Variants in MGAM2 observed in about 807,000 individuals in gnomAD.
MGAM2 encodes maltase-glucoamylase 2 (putative).
A neutral mutation model predicts 96.1 loss-of-function variants in MGAM2; 98 were observed. The observed-to-expected ratio is 1.02, with a 90% CI of 0.87 to 1.21. MGAM2 has a LOEUF of 1.21. Among genes scored for constraint, MGAM2 ranks in the 50% most tolerant of loss-of-function variants. The pLI is 0.00. For synonymous variants in MGAM2, 749 were observed against 414.8 expected (o/e 1.81, Z -9.79); for missense variants, 2,055 against 1,182.4 (o/e 1.74, Z -10.82).
At chr7:142,201,082 C>CTT (rs1314170979) in intron 45 of MGAM2, among the ~76,000 whole-genome samples, 5 of 108,538 alleles carry the variant, frequency 4.6e-5, no homozygotes, top group Admixed American at 1.2e-4. Context: ...TTTTTTTTTT[C>CTT]TTTTTTTTTT....
intron 23 of MGAM2, among the ~76,000 whole-genome samples, chr7:142,162,883 A>C (rs1466087267): frequency 6.6e-6 from 1 of 151,834 alleles, no homozygotes; most frequent in African/African-American, 2.4e-5. Flanking sequence ...CGAGATACAG[A>C]ATATTTCATT....
chr7:142,196,060 C>G, intron 37 of MGAM2, 94 bp from the exon 38 acceptor site: 1 of 698,378 alleles, frequency 1.4e-6, no homozygotes, highest in Admixed American at 2.1e-5. Context: ...TGACTCGGAC[C>G]GAAGTACCCT....
At chr7:142,199,423 C>G (rs1473831854) in intron 44 of MGAM2, among the ~76,000 whole-genome samples, 2 of 151,918 alleles carry the variant, frequency 1.3e-5, no homozygotes, top group African/African-American at 4.8e-5. Context: ...TGAAAAATGG[C>G]TTGGGTTTGG....
In MGAM2 at chr7:142,220,657, C is replaced by T. The variant is rs1333193093; in HGVS notation, c.6146C>T (p.Thr2049Ile). ...PDTTAPFPTS[T>I]TSTSTSATVP... ...ACAACTGCTCCTTTCCCTACAAGTA[C>T]TACTAGTACTAGCACTAGTGCTACT... The change falls in exon 48 of 48, where the codon ACT (threonine) becomes ATT (isoleucine). Residue 2049 changes from threonine (T) to isoleucine (I), a missense_variant. Coordinates refer to ENST00000477922, the MANE Select transcript of MGAM2 (RefSeq NM_001293626.2). 1.4e-6 allele frequency: 1 copy of T among 702,268 alleles called. No individual in the cohort carries two copies. The highest frequency in any genetic ancestry group is 1.8e-5 in the African/African-American group (1 of 57,136). The allele number at this position is 702,268 out of a possible 1,614,324, so 43.5% of individuals were successfully genotyped here.
At chr7:142,149,240 T>A (rs1251101746) in intron 15 of MGAM2, among the ~76,000 whole-genome samples, 3 of 124,950 alleles carry the variant, frequency 2.4e-5, no homozygotes, top group Admixed American at 8.3e-5. Flanking sequence ...AAAAAAAAAA[T>A]AAAAAAAGAT....
intron 23 of MGAM2, among the ~76,000 whole-genome samples, chr7:142,164,475 A>G (rs1056105050): frequency 2.6e-5 from 4 of 152,140 alleles, no homozygotes; most frequent in African/African-American, 9.7e-5. Flanking sequence ...AAATAAAAGG[A>G]AGAAAATTAC....
intron 46 of MGAM2, 78 bp downstream of exon 46, chr7:142,208,700 G>T (rs1048941008): frequency 1.3e-5 from 9 of 668,460 alleles, no homozygotes; most frequent in Non-Finnish European, 1.9e-5. Flanking sequence ...CTGCGTAAAT[G>T]TAATATCCCA....
At chr7:142,114,174 G>GAAAGAA (rs1172798002) in intron 1 of MGAM2, among the ~76,000 whole-genome samples, 1 of 115,258 alleles carries the variant, frequency 8.7e-6, no homozygotes, top group Non-Finnish European at 1.7e-5. Context: ...AAGAAAGAAA[G>GAAAGAA]AAAGAAAGAA....
chr7:142,162,909 C>T (rs1371878817), intron 23 of MGAM2, among the ~76,000 whole-genome samples: 3 of 151,958 alleles, frequency 2.0e-5, no homozygotes, highest in Non-Finnish European at 4.4e-5. Flanking sequence ...AAAGATCTTT[C>T]CTGCTGCCCT....
At chr7:142,193,681 G>T (rs147387386) in intron 37 of MGAM2, among the ~76,000 whole-genome samples, 1 of 152,212 alleles carries the variant, frequency 6.6e-6, no homozygotes, top group East Asian at 1.9e-4. Flanking sequence ...AGATATTTAT[G>T]CATTTACCTC....
At chr7:142,137,229 AC>A (rs1465339123) in intron 8 of MGAM2, among the ~76,000 whole-genome samples, 274 of 148,522 alleles carry the variant, frequency 1.8e-3, no homozygotes, top group African/African-American at 6.4e-3. Context: ...AAAAAAAAAA[AC>A]AAAACTCAAT....
intron 3 of MGAM2, among the ~76,000 whole-genome samples, chr7:142,126,383 C>G (rs533193968): frequency 1.3e-5 from 2 of 151,566 alleles, no homozygotes; most frequent in South Asian, 2.1e-4. Flanking sequence ...CAGAACTATT[C>G]TAGTTTTATA....
intron 17 of MGAM2, among the ~76,000 whole-genome samples, chr7:142,155,752 T>C (rs1283134691): frequency 6.6e-6 from 1 of 152,334 alleles, no homozygotes; most frequent in African/African-American, 2.4e-5. Flanking sequence ...AACACTCAGA[T>C]AACCCAGGAA....
In MGAM2 at chr7:142,178,396, A is replaced by G. The variant is rs560644717; in HGVS notation, c.3816+2616A>G. Reference sequence around the variant, plus strand: ...ATTGTCAATTTTTGGTTTCATTGCAATTGCTTTTGAGGACTTTGCCATGAA... The same window carrying G: ...ATTGTCAATTTTTGGTTTCATTGCAGTTGCTTTTGAGGACTTTGCCATGAA... On this transcript the variant is annotated intron_variant, in intron 32 of 47. Coordinates refer to ENST00000477922, the MANE Select transcript of MGAM2 (RefSeq NM_001293626.2). Among the ~76,000 whole-genome samples the G allele has an allele frequency of 2.6e-5, 4 of 152,202 alleles. No homozygotes were observed. The East Asian group carries it at 5.8e-4, about 22-fold the overall frequency.
In MGAM2 at chr7:142,132,033, A is replaced by G; in HGVS notation, c.523A>G (p.Thr175Ala). ...CAATTTGAGCTATTACGTGGAGGTT[A>G]CTGATAAACCTTTCAGCATCAAAAT... is the stretch of plus-strand genomic sequence containing the variant. Reference protein sequence around the residue: ...ASNLSYYVEVTDKPFSIKIMR... With the variant: ...ASNLSYYVEVADKPFSIKIMR... The change falls in exon 6 of 48, where the codon ACT becomes GCT. Residue 175 changes from threonine to alanine, a missense_variant. Thr to Ala is a moderately conservative substitution (Grantham distance 58, BLOSUM62 0). Transcript: ENST00000477922. 1.4e-6 allele frequency: 1 copy of G among 703,236 alleles called. No individual in the cohort carries two copies. The highest frequency in any genetic ancestry group is 2.6e-6 in the Non-Finnish European group (1 of 385,046). 43.6% of individuals were successfully genotyped at this position (703,236 alleles called of 1,614,324 possible). A position where few individuals can be genotyped will look rare whatever the true frequency, so the allele number is the denominator to read the frequency against.
At chr7:142,137,010 C>T (rs1795079226) in intron 8 of MGAM2, among the ~76,000 whole-genome samples, 2 of 152,178 alleles carry the variant, frequency 1.3e-5, no homozygotes, top group African/African-American at 2.4e-5. Context: ...AGCCCACCCA[C>T]ACTTTCCCCA....
At chr7:142,162,474 G>A (rs1363910091) in intron 23 of MGAM2, among the ~76,000 whole-genome samples, 1 of 151,982 alleles carries the variant, frequency 6.6e-6, no homozygotes, top group Non-Finnish European at 1.5e-5. Flanking sequence ...ATTTCCCAAG[G>A]GGACTGAGAG....
intron 2 of MGAM2, among the ~76,000 whole-genome samples, chr7:142,117,902 A>T (rs1340846338): frequency 3.3e-5 from 5 of 151,524 alleles, no homozygotes; most frequent in Admixed American, 3.3e-4. Flanking sequence ...CCACATTCTG[A>T]TTTATGCAGA....
intron 3 of MGAM2, among the ~76,000 whole-genome samples, chr7:142,129,856 A>AAAAAAAAAAAAAAAAAAAAT (rs1794835721): frequency 7.1e-6 from 1 of 140,018 alleles, no homozygotes; most frequent in African/African-American, 2.7e-5. Flanking sequence ...AAAAAAAAAA[A>AAAAAAAAAAAAAAAAAAAAT]AAAAAAAAAG....
Sources: gnomAD v4.1 joint callset for allele counts (sites outside exome capture counted in the v4.1 genomes callset) on GRCh38, gnomAD v4.1.1 for gene constraint, MANE v1.5 for transcripts, NCBI Gene and HGNC (gene_info 2026-07-23, HGNC 2026-07-21) for gene names.